Variants in HTR7 observed in about 807,000 individuals in gnomAD.
The protein encoded by HTR7 is 5-hydroxytryptamine receptor 7.
Under a neutral mutation model 34.0 loss-of-function variants are expected in HTR7, and 16 were observed. That is an observed-to-expected ratio of 0.47 (90% CI 0.32 to 0.71). The LOEUF is 0.71. Ranked by LOEUF, HTR7 falls within the 30% of genes least tolerant of loss-of-function variation. The probability of loss-of-function intolerance (pLI) is 0.04; values close to 1 mark genes in which losing one functional copy is unlikely to be tolerated. For missense variants in HTR7, 504 were observed against 625.5 expected, an observed-to-expected ratio of 0.81 and a Z score of 2.07; for synonymous variants, 265 against 260.2, an observed-to-expected ratio of 1.02 and a Z score of -0.18.
In HTR7 at chr10:90,749,368, G is replaced by T. The variant is rs775461244; in HGVS notation, c.766C>A (p.Leu256Ile). 6.2e-7 allele frequency: 1 copy of T among 1,614,170 alleles called. No homozygotes were observed. Among genetic ancestry groups the T allele is most frequent in the Non-Finnish European group, 8.5e-7 (1 of 1,180,014 alleles). ...TTGTAAATCTGGTAGTACATGAAAA[G>T]CATGACGGACATGGGGATATAAAAT... ...VAFYIPMSVM[L>I]FMYYQIYKAA... Residue 256 changes from leucine to isoleucine, a missense_variant, in exon 2 of 4, where the codon CTT becomes ATT. By Grantham distance (5) the Leu-to-Ile change is conservative. Around this residue, in one of 4 missense-constraint regions of HTR7, gnomAD observed 154 missense variants for 248.8 expected, o/e 0.62. Transcript: ENST00000336152. This position sits in a 1 kb window ranked among gnomAD's most constrained non-coding sequence, Gnocchi z 4.2.
In HTR7 at chr10:90,852,245, T is replaced by C. The variant is rs1266682058; in HGVS notation, c.539+4888A>G. Among the ~76,000 whole-genome samples, 3 of 147,332 alleles carry C rather than the reference T, an allele frequency of 2.0e-5. No individual in the cohort carries two copies. The East Asian group carries it at 6.0e-4, about 29-fold the overall frequency. ...TAATTTAAAAAAATAATAATGCTAA[T>C]AGGCATCTAACTGGGCAGAAGAAAA... On this transcript the variant is annotated intron_variant, in intron 1 of 3. Coordinates refer to ENST00000336152, the MANE Select transcript of HTR7 (RefSeq NM_019859.4).
At chr10:90,848,664 T>C (rs1846449350) in intron 1 of HTR7, among the ~76,000 whole-genome samples, 1 of 152,252 alleles carries the variant, frequency 6.6e-6, no homozygotes. Flanking sequence ...GGATGATGGA[T>C]ACATCAGACT....
rs1425774948 is a variant in HTR7 at position 90,837,809 on chromosome 10, C to T, written c.539+19324G>A. 2.0e-5 allele frequency among the ~76,000 whole-genome samples: 3 copies of T among 152,122 alleles called. No homozygotes were observed. In the East Asian group the frequency reaches 5.8e-4, roughly 29 times the overall value. ...GCTTCTAGCTGCCATCTCTCCTTTC[C>T]TCTCATCTTCTCTTTACCTGACTCT... On this transcript the variant is annotated intron_variant, in intron 1 of 3. Transcript: ENST00000336152.
intron 1 of HTR7, among the ~76,000 whole-genome samples, chr10:90,784,393 G>A (rs1845351705): frequency 6.6e-6 from 1 of 152,004 alleles, no homozygotes; most frequent in South Asian, 2.1e-4. Flanking sequence ...TTCATCTCTT[G>A]GACTGTCTGG....
chr10:90,805,748 T>C (rs1165740114), intron 1 of HTR7, among the ~76,000 whole-genome samples: 1 of 152,238 alleles, frequency 6.6e-6, no homozygotes, highest in Admixed American at 6.5e-5. Flanking sequence ...TCTATATGTT[T>C]CTATGTGGCA....
chr10:90,788,174 G>GT (rs1481539718), intron 1 of HTR7, among the ~76,000 whole-genome samples: 5 of 152,148 alleles, frequency 3.3e-5, no homozygotes, highest in African/African-American at 1.2e-4. Context: ...AATTACCTGG[G>GT]TAACTCAGGT....
chr10:90,806,704 C>G (rs1845712480), intron 1 of HTR7, among the ~76,000 whole-genome samples: 1 of 152,142 alleles, frequency 6.6e-6, no homozygotes, highest in Admixed American at 6.5e-5. Context: ...TCCTGGGGAA[C>G]TGGTTCACAA....
At chr10:90,783,030 G>A (rs1845331442) in intron 1 of HTR7, among the ~76,000 whole-genome samples, 1 of 152,174 alleles carries the variant, frequency 6.6e-6, no homozygotes, top group Non-Finnish European at 1.5e-5. Flanking sequence ...AGCTTACTGG[G>A]ACTGGAACTG....
chr10:90,836,877 G>A (rs919090922), intron 1 of HTR7, among the ~76,000 whole-genome samples: 1 of 152,160 alleles, frequency 6.6e-6, no homozygotes, highest in African/African-American at 2.4e-5. Flanking sequence ...TGAGGAATAT[G>A]GTTTAGAGAT....
At chr10:90,743,984 T>A (rs2119659349) in intron 2 of HTR7, 1 of 559,828 alleles carries the variant, frequency 1.8e-6, no homozygotes, top group East Asian at 4.5e-5. Flanking sequence ...GGTAAATATT[T>A]GGGAGTAGGA....
chr10:90,848,910 T>C (rs535353110), intron 1 of HTR7, among the ~76,000 whole-genome samples: 1 of 152,298 alleles, frequency 6.6e-6, no homozygotes, highest in East Asian at 1.9e-4. Context: ...AATCAGAAAC[T>C]CTTGGGGTAA....
chr10:90,851,420 C>T (rs1037870062), intron 1 of HTR7, among the ~76,000 whole-genome samples: 4 of 151,852 alleles, frequency 2.6e-5, no homozygotes, highest in African/African-American at 9.7e-5. Context: ...TCCTGGCTAA[C>T]AAGGTGAAAC....
intron 1 of HTR7, among the ~76,000 whole-genome samples, chr10:90,832,532 A>G (rs1025303012): frequency 1.3e-5 from 2 of 152,146 alleles, no homozygotes; most frequent in African/African-American, 4.8e-5. Context: ...CTCCATGCAC[A>G]GCCCCGGTTC....
At chr10:90,806,083 T>C (rs767558928) in intron 1 of HTR7, among the ~76,000 whole-genome samples, 1 of 152,088 alleles carries the variant, frequency 6.6e-6, no homozygotes, top group Admixed American at 6.6e-5. Flanking sequence ...GAAACTAAGA[T>C]GCGTTTTGGT....
chr10:90,805,111 T>C (rs1034301594), intron 1 of HTR7, among the ~76,000 whole-genome samples: 4 of 152,188 alleles, frequency 2.6e-5, no homozygotes, highest in African/African-American at 4.8e-5. Flanking sequence ...GGTCTTGACA[T>C]TGGTGTGTGC....
chr10:90,822,068 G>A (rs1294235497), intron 1 of HTR7, among the ~76,000 whole-genome samples: 1 of 152,152 alleles, frequency 6.6e-6, no homozygotes, highest in Non-Finnish European at 1.5e-5. Flanking sequence ...TTGGTACCAG[G>A]AGTGGGGCAT....
At chr10:90,794,998 C>T (rs76937692) in intron 1 of HTR7, among the ~76,000 whole-genome samples, 16 of 152,200 alleles carry the variant, frequency 1.1e-4, no homozygotes, top group African/African-American at 3.4e-4. Context: ...TGTCATTGAC[C>T]GAAAAAGCAT....
intron 1 of HTR7, among the ~76,000 whole-genome samples, chr10:90,825,482 A>G (rs1846056259): frequency 6.6e-6 from 1 of 152,240 alleles, no homozygotes; most frequent in South Asian, 2.1e-4. Flanking sequence ...ATCACCCAGG[A>G]AAATATGATC....
chr10:90,799,751 T>G (rs1274228287), intron 1 of HTR7, among the ~76,000 whole-genome samples: 2 of 152,184 alleles, frequency 1.3e-5, no homozygotes, highest in Non-Finnish European at 2.9e-5. Context: ...ATCCACCCTA[T>G]GACCCAAATC....
Sources: gnomAD v4.1 joint callset for allele counts (sites outside exome capture counted in the v4.1 genomes callset) on GRCh38, gnomAD v4.1.1 for gene constraint, gnomAD v4.1.1 regional missense constraint, Gnocchi (gnomAD v3.1) non-coding constraint, MANE v1.5 for transcripts, NCBI Gene and HGNC (gene_info 2026-07-23, HGNC 2026-07-21) for gene names.